Variants in RAD52 observed in about 807,000 individuals in gnomAD.
RAD52 encodes DNA repair protein RAD52 homolog.
A neutral mutation model predicts 55.5 loss-of-function variants in RAD52; 47 were observed. That is an observed-to-expected ratio of 0.85 (90% CI 0.67 to 1.08). The LOEUF (loss-of-function observed/expected upper bound fraction) is 1.08, where lower values mean the gene tolerates loss of function less well. RAD52 is among the 50% of genes least tolerant of loss of function. The probability of loss-of-function intolerance (pLI) is 0.00; values close to 1 mark genes in which losing one functional copy is unlikely to be tolerated. For synonymous variants in RAD52, 184 were observed against 198.9 expected, an observed-to-expected ratio of 0.92 and a Z score of 0.63; for missense variants, 468 against 522.8, an observed-to-expected ratio of 0.90 and a Z score of 1.02.
intron 1 of RAD52, among the ~76,000 whole-genome samples, chr12:943,379 G>T (rs1465641686): frequency 6.6e-6 from 1 of 152,212 alleles, no homozygotes; most frequent in East Asian, 1.9e-4. Flanking sequence ...GTCTTGTTCA[G>T]TCGCCCAGGC....
Position 913,447 on chromosome 12 carries a change from A to G in RAD52, c.1201T>C (p.Trp401Arg), listed in dbSNP as rs1394526703. Residue 401 changes from tryptophan to arginine, a missense_variant, in exon 12 of 12, where the codon TGG becomes CGG. Trp to Arg is a moderately radical substitution (Grantham distance 101). Transcript: ENST00000358495. ...TCCTGGCTCTTCCTATGAGATTCCC[A>G]GTTTCCTATGGAAGACAAAATGGCT... ...YSADQRTTGNWESHRKSQDMK... is the reference protein window; with the variant it reads ...YSADQRTTGNRESHRKSQDMK... 1 of 1,601,968 alleles carries G rather than the reference A, an allele frequency of 6.2e-7. No individual in the cohort carries two copies. The highest frequency in any genetic ancestry group is 2.2e-5 in the East Asian group (1 of 44,820).
Position 916,307 on chromosome 12 carries a change from G to C in RAD52, c.865+37C>G, listed in dbSNP as rs974448653. 8.1e-6 allele frequency: 13 copies of C among 1,596,384 alleles called. No homozygotes were observed. The African/African-American group carries it at 1.5e-4, about 18-fold the overall frequency. On this transcript the variant is annotated intron_variant, in intron 9 of 11. Transcript: ENST00000358495. Reference sequence around the variant, plus strand: ...CCCTGCGGCTACACTTCCTCCTGCAGACGCCTCCCAGGGCCCTGCTCCCAC... The same window carrying C: ...CCCTGCGGCTACACTTCCTCCTGCACACGCCTCCCAGGGCCCTGCTCCCAC...
chr12:982,169 G>T (rs754593792), intron 1 of RAD52, among the ~76,000 whole-genome samples: 80 of 150,694 alleles, frequency 5.3e-4, no homozygotes, highest in Non-Finnish European at 1.0e-3. Flanking sequence ...CATCCTTTAG[G>T]ATCCCAGAAT....
At chr12:961,215 C>T (rs951663513) in intron 1 of RAD52, among the ~76,000 whole-genome samples, 1 of 145,554 alleles carries the variant, frequency 6.9e-6, no homozygotes, top group African/African-American at 2.6e-5. Flanking sequence ...GAGGCTGAGG[C>T]AGGAGAATCG....
upstream of RAD52, among the ~76,000 whole-genome samples, chr12:953,337 A>G (rs7297394): frequency 6.6e-6 from 1 of 152,020 alleles, no homozygotes; most frequent in Non-Finnish European, 1.5e-5. Context: ...GAAAACAGAG[A>G]CAAAGACAGA....
chr12:966,378 C>T (rs1958770470), intron 1 of RAD52, among the ~76,000 whole-genome samples: 1 of 151,980 alleles, frequency 6.6e-6, no homozygotes, highest in Non-Finnish European at 1.5e-5. Flanking sequence ...TATTCATGGC[C>T]ATCTTGGACC....
At chr12:916,851 C>A (rs748199398) in intron 7 of RAD52, 31 bp from the exon 8 acceptor site, 5 of 1,584,348 alleles carry the variant, frequency 3.2e-6, no homozygotes, top group South Asian at 1.1e-5. Flanking sequence ...CAAATTCCTT[C>A]AACTGGCTCT....
At chr12:917,049 G>A (rs1330372343) in intron 7 of RAD52, among the ~76,000 whole-genome samples, 2 of 152,198 alleles carry the variant, frequency 1.3e-5, no homozygotes, top group African/African-American at 4.8e-5. Flanking sequence ...TAGGGCAGAT[G>A]TTCTGTAAAA....
rs11571423 is a variant in RAD52, at chr12:929,753, T to TA, written c.348+65dup. On this transcript the variant is annotated intron_variant, in intron 5 of 11. Coordinates refer to ENST00000358495, the MANE Select transcript of RAD52 (RefSeq NM_134424.4). Reference sequence around the variant, plus strand: ...GTCCCCGTCCAGCTACCTACTTCCCTACCTGCTCACCTTCTCCTACCACCC... The same window carrying TA: ...GTCCCCGTCCAGCTACCTACTTCCCTAACCTGCTCACCTTCTCCTACCACCC... 35 of 1,485,002 alleles carry TA rather than the reference T, an allele frequency of 2.4e-5. No individual in the cohort carries two copies. In the Admixed American group the frequency reaches 5.9e-4, roughly 25 times the overall value. The allele number at this position is 1,485,002 out of a possible 1,614,324, so 92.0% of individuals were successfully genotyped here.
intron 1 of RAD52, among the ~76,000 whole-genome samples, chr12:934,971 C>T (rs945388720): frequency 4.6e-5 from 7 of 151,852 alleles, no homozygotes; most frequent in African/African-American, 9.7e-5. Flanking sequence ...AAAAATTAGC[C>T]GGATGTGGTG....
In RAD52 at chr12:913,900, T is replaced by G; in HGVS notation, c.1189A>C (p.Thr397Pro). 6.2e-7 allele frequency: 1 copy of G among 1,613,904 alleles called. No individual in the cohort carries two copies. Among genetic ancestry groups the G allele is most frequent in the Admixed American group, 1.7e-5 (1 of 60,024 alleles). Residue 397 changes from threonine (T) to proline (P), a missense_variant, in exon 11 of 12, where the codon ACA (threonine) becomes CCA (proline). Physicochemically the swap from Thr to Pro is conservative, Grantham distance 38 (BLOSUM62 -1). Coordinates refer to ENST00000358495, the MANE Select transcript of RAD52 (RefSeq NM_134424.4). Reference sequence around the variant, plus strand: ...CTAAACACCTCTCTGCTACCTGTTGTGCGTTGGTCAGCGCTATAAGTTTGG... The same window carrying G: ...CTAAACACCTCTCTGCTACCTGTTGGGCGTTGGTCAGCGCTATAAGTTTGG... Reference protein sequence around the residue: ...DLQTYSADQRTTGNWESHRKS... With the variant: ...DLQTYSADQRPTGNWESHRKS...
Position 933,075 on chromosome 12 carries a change from C to G in RAD52, c.-17G>C. The G allele has an allele frequency of 6.3e-7, 1 of 1,594,546 alleles. No individual in the cohort carries two copies. The highest frequency in any genetic ancestry group is 1.1e-5 in the South Asian group (1 of 89,466). ...CCCAGACATCTTGATTCTGGTTGAC[C>G]TCTATATAAATAAAAAGCGGAAAAA... On this transcript the variant is annotated splice_region_variant and 5_prime_UTR_variant, in exon 2 of 12. Coordinates refer to ENST00000358495, the MANE Select transcript of RAD52 (RefSeq NM_134424.4).
intron 9 of RAD52, among the ~76,000 whole-genome samples, chr12:915,005 C>T (rs1478884086): frequency 6.6e-6 from 1 of 152,170 alleles, no homozygotes; most frequent in Non-Finnish European, 1.5e-5. Context: ...TGGTAGCATG[C>T]ACTTGTAGTC....
At chr12:922,315 C>CA (rs763338573) in intron 7 of RAD52, among the ~76,000 whole-genome samples, 1 of 150,796 alleles carries the variant, frequency 6.6e-6, no homozygotes. Context: ...GTATGAAAAT[C>CA]AGTGTGGCAG....
intron 1 of RAD52, among the ~76,000 whole-genome samples, chr12:959,591 T>A (rs952760447): frequency 5.9e-5 from 9 of 152,158 alleles, no homozygotes; most frequent in African/African-American, 2.2e-4. Flanking sequence ...CTTCGTACAT[T>A]TAAATTTTCA....
At chr12:921,892 G>T (rs780057307) in intron 7 of RAD52, among the ~76,000 whole-genome samples, 8 of 151,848 alleles carry the variant, frequency 5.3e-5, no homozygotes, top group African/African-American at 1.5e-4. Flanking sequence ...GATCACCTGA[G>T]GTCAGGAGTT....
At chr12:967,690 G>A (rs1018046002) in intron 1 of RAD52, among the ~76,000 whole-genome samples, 1 of 151,988 alleles carries the variant, frequency 6.6e-6, no homozygotes, top group Non-Finnish European at 1.5e-5. Context: ...CTGAAGCCTC[G>A]ACTTCCCTGG....
At chr12:984,813 C>T (rs1255553317) in intron 1 of RAD52, among the ~76,000 whole-genome samples, 8 of 152,106 alleles carry the variant, frequency 5.3e-5, no homozygotes, top group South Asian at 2.1e-4. Flanking sequence ...TACAGGCGCC[C>T]GCCACCATGC....
At chr12:982,943 G>A (rs1187186930) in intron 1 of RAD52, among the ~76,000 whole-genome samples, 5 of 152,040 alleles carry the variant, frequency 3.3e-5, no homozygotes, top group South Asian at 2.1e-4. Flanking sequence ...TCCACCTCCC[G>A]GGTTCAAGCG....
Sources: allele counts gnomAD v4.1 joint callset (sites outside exome capture counted in the v4.1 genomes callset), GRCh38; gene constraint gnomAD v4.1.1; transcripts MANE v1.5; gene names NCBI Gene and HGNC (gene_info 2026-07-23, HGNC 2026-07-21).